Variants in AMN observed in about 807,000 individuals in gnomAD.
AMN encodes amnion associated transmembrane protein, also known as protein amnionless.
AMN carries 40 observed loss-of-function variants against 49.1 expected under a neutral mutation model. The observed-to-expected ratio is 0.81, with a 90% CI of 0.63 to 1.06. AMN has a LOEUF of 1.06. Among genes scored for constraint, AMN ranks in the 50% least tolerant of loss-of-function variants. The probability of loss-of-function intolerance (pLI) is 0.00; values close to 1 mark genes in which losing one functional copy is unlikely to be tolerated. For synonymous variants in AMN, 380 were observed against 313.3 expected (o/e 1.21, Z -2.25); for missense variants, 701 against 662.8 (o/e 1.06, Z -0.63).
In AMN at chr14:102,930,760, C is replaced by T. The variant is rs2139314789; in HGVS notation, c.*80C>T. On this transcript the variant is annotated 3_prime_UTR_variant, in exon 12 of 12. Transcript: ENST00000299155. ...ACTGGGGGCTAGCCACCTCCTCGTC[C>T]AGCCCCCAAACCTCCCCTTCCTTTC... 6.9e-7 allele frequency: 1 copy of T among 1,441,722 alleles called. No individual in the cohort carries two copies. The highest frequency in any genetic ancestry group is 9.5e-7 in the Non-Finnish European group (1 of 1,057,950). 89.3% of individuals were successfully genotyped at this position (1,441,722 alleles called of 1,614,324 possible).
At chr14:102,928,706 T>TGGTGTGGCGC in intron 4 of AMN, 52 bp from the exon 5 acceptor site, 1 of 1,570,242 alleles carries the variant, frequency 6.4e-7, no homozygotes, top group Non-Finnish European at 8.6e-7. Flanking sequence ...TGGCGTGGCG[T>TGGTGTGGCGC]GGTGTGGCGC....
chr14:102,929,398 C>T (rs1429392178), intron 6 of AMN, 30 bp from the exon 7 acceptor site: 23 of 1,527,836 alleles, frequency 1.5e-5, no homozygotes, highest in Non-Finnish European at 2.0e-5. Context: ...CGCTCTGGCC[C>T]TCCGCGCTGA....
At chr14:102,928,400 G>A (rs1436633202) in intron 3 of AMN, 26 bp from the exon 4 acceptor site, 2 of 1,563,516 alleles carry the variant, frequency 1.3e-6, no homozygotes, top group South Asian at 2.3e-5. Flanking sequence ...CCCGCGTGGC[G>A]CCGCCTCAGC....
rs554429778 is a variant in AMN at position 102,928,682 on chromosome 14, C to CGCGTG, written c.296-54_296-50dup. 5.0e-3 allele frequency: 7,732 copies of CGCGTG among 1,536,422 alleles called. 92 individuals are homozygous for CGCGTG. The highest frequency in any genetic ancestry group is 0.039 in the African/African-American group (2,844 of 73,074). On this transcript the variant is annotated intron_variant, in intron 4 of 11. Coordinates refer to ENST00000299155, the MANE Select transcript of AMN (RefSeq NM_030943.4). ...CGGGGCTTGGGAGGTCGTGCTCAGA[C>CGCGTG]GCGTGGCGTGGCGTGGCGTGGCGTG... is the stretch of plus-strand genomic sequence containing the variant.
intron 7 of AMN, 28 bp from the exon 8 acceptor site, chr14:102,929,627 G>A (rs1268922633): frequency 2.6e-6 from 4 of 1,548,266 alleles, no homozygotes; most frequent in African/African-American, 2.7e-5. Context: ...CCGGATCCAC[G>A]GCGCTGACCC....
At position 102,929,787 on chromosome 14, in the gene AMN, C is replaced by T. The variant is rs1031037361; in HGVS notation, c.843+50C>T. 10 of 1,545,252 alleles carry T rather than the reference C, an allele frequency of 6.5e-6. No homozygotes were observed. In the Admixed American group the frequency reaches 7.9e-5, roughly 12 times the overall value. On this transcript the variant is annotated intron_variant, in intron 8 of 11. Transcript: ENST00000299155. ...AGGGGAGTCCCGACCCCAGCCCTAC[C>T]GCCTCCGCCTAGGACGCCCCTTCTG...
chr14:102,925,102 G>A (rs1233632048), intron 3 of AMN, among the ~76,000 whole-genome samples: 2 of 152,222 alleles, frequency 1.3e-5, no homozygotes, highest in East Asian at 1.9e-4. Context: ...CTGGGCAAAA[G>A]CTTCCTTCCA....
chr14:102,928,982 A>G lies in AMN; in HGVS notation c.513+7A>G. The G allele has an allele frequency of 6.3e-7, 1 of 1,597,652 alleles. No individual in the cohort carries two copies. The highest frequency in any genetic ancestry group is 8.5e-7 in the Non-Finnish European group (1 of 1,179,152). On this transcript the variant is annotated splice_region_variant and intron_variant, in intron 5 of 11. Transcript: ENST00000299155. ...CATCTCGGCTCTGGGCCGGGTGAGCACTGAGGGGAGGGAGGCTCGGGTCCC... is the reference window on the plus strand; with the variant it reads ...CATCTCGGCTCTGGGCCGGGTGAGCGCTGAGGGGAGGGAGGCTCGGGTCCC...
Position 102,930,656 on chromosome 14 carries a change from C to G in AMN, c.1338C>G (p.Phe446Leu), listed in dbSNP as rs765044933. The G allele has an allele frequency of 2.5e-6, 4 of 1,595,850 alleles. No individual in the cohort carries two copies. Among genetic ancestry groups the G allele is most frequent in the Non-Finnish European group, 3.4e-6 (4 of 1,172,568 alleles). ...ACAGTTACTTCGTCAACCCTCTGTT[C>G]GCCGGGGCCGAGGCCGAGGCCTGAG... ...TSHSYFVNPLFAGAEAEA is the reference protein window; with the variant it reads ...TSHSYFVNPLLAGAEAEA Residue 446 changes from phenylalanine (F) to leucine (L), a missense_variant, in exon 12 of 12, where the codon TTC (phenylalanine) becomes TTG (leucine). Coordinates refer to ENST00000299155, the MANE Select transcript of AMN (RefSeq NM_030943.4).
At position 102,922,671 on chromosome 14, in the gene AMN, G is replaced by A. The variant is rs1319822539; in HGVS notation, c.-18G>A. 1.3e-5 allele frequency: 20 copies of A among 1,597,612 alleles called. No individual in the cohort carries two copies. The highest frequency in any genetic ancestry group is 1.6e-5 in the Non-Finnish European group (19 of 1,175,186). On this transcript the variant is annotated 5_prime_UTR_variant, in exon 1 of 12. Coordinates refer to ENST00000299155, the MANE Select transcript of AMN (RefSeq NM_030943.4). ...GTGGGGCAAAGTCTCCTGGTGGGGT[G>A]CAAGGAGCCGAGGCGAGATGGGCGT...
At chr14:102,922,872 C>G (rs1379976412) in intron 1 of AMN, 141 bp downstream of exon 1, 1 of 1,199,258 alleles carries the variant, frequency 8.3e-7, no homozygotes, top group Non-Finnish European at 1.2e-6. Context: ...GCGTGAAACT[C>G]GGCCCTGCCT....
chr14:102,930,306 T>A lies in AMN; in HGVS notation c.1148T>A (p.Leu383Gln), dbSNP rs776174468. ...GTCCTGCTGGTGGCGCCGCCGCTGC[T>A]GCGCCGCGCGGGGAGGCTCAGGTAC... is the stretch of plus-strand genomic sequence containing the variant. ...LLVLLVAPPL[L>Q]RRAGRLRWRR... is the part of the protein sequence containing the mutation. Residue 383 changes from leucine (L) to glutamine (Q), a missense_variant, in exon 10 of 12, where the codon CTG becomes CAG. Leu to Gln is a moderately radical substitution (Grantham distance 113, BLOSUM62 -2). Coordinates refer to ENST00000299155, the MANE Select transcript of AMN (RefSeq NM_030943.4). The A allele has an allele frequency of 4.4e-6, 6 of 1,375,634 alleles. No homozygotes were observed. In the Admixed American group the frequency reaches 1.8e-4, roughly 41 times the overall value. The allele number at this position is 1,375,634 out of a possible 1,614,324, so 85.2% of individuals were successfully genotyped here.
chr14:102,922,802 T>C (rs1206206354), intron 1 of AMN, 71 bp downstream of exon 1: 16 of 1,529,154 alleles, frequency 1.0e-5, no homozygotes, highest in Admixed American at 3.9e-5. Context: ...GAGGTCGCTC[T>C]AGGCCTGGAG....
At chr14:102,924,148 AGG>A (rs1891135150) in intron 3 of AMN, among the ~76,000 whole-genome samples, 169 bp downstream of exon 3, 1 of 152,078 alleles carries the variant, frequency 6.6e-6, no homozygotes, top group South Asian at 2.1e-4. Context: ...GGGGGAACCT[AGG>A]GGAGCTTGGT....
rs576506616 is a variant in AMN, at chr14:102,930,056, C to G, written c.976C>G (p.Arg326Gly). The change falls in exon 9 of 12, where the codon CGG becomes GGG. Residue 326 changes from arginine (R) to glycine (G), a missense_variant. By Grantham distance (125) the Arg-to-Gly change is moderately radical. Transcript: ENST00000299155. The part of the protein sequence containing the change: ...PETGGAGRLA[R>G]ALLADVAENG... ...GACAGGCGGAGCGGGGCGGCTGGCC[C>G]GGGCCCTCCTGGCGGACGTCGCCGA... 6.5e-7 allele frequency: 1 copy of G among 1,545,992 alleles called. No homozygotes were observed. Among genetic ancestry groups the G allele is most frequent in the East Asian group, 2.5e-5 (1 of 40,772 alleles).
intron 3 of AMN, among the ~76,000 whole-genome samples, chr14:102,924,753 CT>C (rs1251325495): frequency 6.6e-6 from 1 of 152,222 alleles, no homozygotes; most frequent in Non-Finnish European, 1.5e-5. Flanking sequence ...GCAGCCTGCA[CT>C]TTCCTGGAGC....
At chr14:102,926,246 G>C (rs1240208410) in intron 3 of AMN, among the ~76,000 whole-genome samples, 1 of 152,230 alleles carries the variant, frequency 6.6e-6, no homozygotes, top group Admixed American at 6.5e-5. Flanking sequence ...GTAATGGACT[G>C]TGTACCTATG....
intron 3 of AMN, among the ~76,000 whole-genome samples, chr14:102,926,803 A>G (rs1172527635): frequency 6.6e-6 from 1 of 152,156 alleles, no homozygotes; most frequent in Non-Finnish European, 1.5e-5. Flanking sequence ...GACTCTCTCT[A>G]AATATTTCAG....
In AMN at chr14:102,928,486, G is replaced by C; in HGVS notation, c.268G>C (p.Val90Leu). 6.2e-7 allele frequency: 1 copy of C among 1,609,484 alleles called. No homozygotes were observed. Among genetic ancestry groups the C allele is most frequent in the Non-Finnish European group, 8.5e-7 (1 of 1,179,140 alleles). Residue 90 changes from valine (V) to leucine (L), a missense_variant, in exon 4 of 12, where the codon GTG becomes CTG. By Grantham distance (32) the Val-to-Leu change is conservative. Transcript: ENST00000299155. ...AGGAGCCGGATTCGGCGTCTCAGAC[G>C]TGGGCTCGCACCTGGACTGTGGCGC... ...ASGAGFGVSD[V>L]GSHLDCGAGE...
Sources: gnomAD v4.1 joint callset for allele counts (sites outside exome capture counted in the v4.1 genomes callset) on GRCh38, gnomAD v4.1.1 for gene constraint, MANE v1.5 for transcripts, NCBI Gene and HGNC (gene_info 2026-07-23, HGNC 2026-07-21) for gene names.